Variants in DMD observed in about 807,000 individuals in gnomAD.
The protein encoded by DMD is dystrophin.
In DMD, 63 loss-of-function variants were observed where a neutral mutation model predicts 330.1. That is an observed-to-expected ratio of 0.19 (90% CI 0.16 to 0.24). DMD has a LOEUF of 0.24. DMD is among the 10% of genes least tolerant of loss of function. DMD has a pLI of 1.00. For synonymous variants in DMD, 1,223 were observed against 959.8 expected (o/e 1.27, Z -5.07); for missense variants, 3,344 against 2,684.1 (o/e 1.25, Z -5.43).
chrX:32,214,095 T>G (rs1460150317), intron 44 of DMD, among the ~76,000 whole-genome samples: 1 of 111,495 alleles, frequency 9.0e-6, no homozygotes, highest in African/African-American at 3.3e-5. Context: ...TTATGATATA[T>G]TCACAAAATT....
intron 16 of DMD, among the ~76,000 whole-genome samples, chrX:32,557,961 T>A (rs1160086711): frequency 9.1e-6 from 1 of 110,028 alleles, no homozygotes; most frequent in Non-Finnish European, 1.9e-5. Context: ...TTAATTTATA[T>A]TAATAATTAA....
At chrX:31,729,408 A>C (rs947091222) in intron 52 of DMD, among the ~76,000 whole-genome samples, 1 of 112,244 alleles carries the variant, frequency 8.9e-6, no homozygotes, top group Non-Finnish European at 1.9e-5. Context: ...TTGCAACTAT[A>C]TAAGCCCTGA....
intron 1 of DMD, among the ~76,000 whole-genome samples, chrX:33,304,599 C>T (rs1486190408): frequency 1.8e-5 from 2 of 109,150 alleles, no homozygotes; most frequent in African/African-American, 6.7e-5. Context: ...TTCTGCACAG[C>T]AAAAGAAACT....
chrX:31,658,943 C>A (rs1424281968), intron 53 of DMD, among the ~76,000 whole-genome samples: 2 of 111,592 alleles, frequency 1.8e-5, no homozygotes, highest in Non-Finnish European at 3.8e-5. Context: ...ATAGTTATAT[C>A]AAATTCAATA....
chrX:32,158,589 G>T, intron 44 of DMD, among the ~76,000 whole-genome samples: 1 of 111,147 alleles, frequency 9.0e-6, no homozygotes, highest in Admixed American at 9.6e-5. Flanking sequence ...AAATGATAGT[G>T]AATTTGTGTC....
chrX:32,085,639 C>CGT (rs2096430456), intron 44 of DMD, among the ~76,000 whole-genome samples: 1 of 84,142 alleles, frequency 1.2e-5, no homozygotes, highest in Admixed American at 1.4e-4. Flanking sequence ...CACATATATA[C>CGT]GTATATATAT....
chrX:31,813,191 A>G (rs910992350), intron 50 of DMD, among the ~76,000 whole-genome samples: 2 of 112,181 alleles, frequency 1.8e-5, no homozygotes, highest in African/African-American at 6.5e-5. Context: ...AGGCATGCTA[A>G]TAAGTATGCT....
chrX:31,431,676 C>T (rs1326731330), intron 60 of DMD, among the ~76,000 whole-genome samples: 6 of 111,588 alleles, frequency 5.4e-5, no homozygotes, highest in African/African-American at 9.8e-5. Context: ...GGATTACAGG[C>T]GTGAGCCACT....
At chrX:31,785,076 GAC>G (rs1255786091) in intron 50 of DMD, among the ~76,000 whole-genome samples, 1 of 111,709 alleles carries the variant, frequency 9.0e-6, no homozygotes, top group Non-Finnish European at 1.9e-5. Flanking sequence ...TGTGGTATAG[GAC>G]ACAACGGAAT....
At chrX:31,958,610 C>A (rs2095270320) in intron 45 of DMD, among the ~76,000 whole-genome samples, 1 of 111,696 alleles carries the variant, frequency 9.0e-6, no homozygotes, top group Non-Finnish European at 1.9e-5. Context: ...CTTCCTGACA[C>A]CTGAACTCCT....
chrX:32,830,175 C>A (rs948545416), intron 4 of DMD, among the ~76,000 whole-genome samples: 1 of 111,317 alleles, frequency 9.0e-6, no homozygotes, highest in Admixed American at 9.6e-5. Flanking sequence ...TTCTCATAAG[C>A]TTGTTGCTCT....
At chrX:32,696,536 C>G (rs1305139975) in intron 9 of DMD, among the ~76,000 whole-genome samples, 1 of 111,791 alleles carries the variant, frequency 8.9e-6, no homozygotes, top group Non-Finnish European at 1.9e-5. Context: ...TGAGCAGAGC[C>G]TAGCAAGATG....
At chrX:32,174,218 C>A (rs1386552176) in intron 44 of DMD, among the ~76,000 whole-genome samples, 1 of 112,248 alleles carries the variant, frequency 8.9e-6, no homozygotes, top group Non-Finnish European at 1.9e-5. Context: ...TAAGACTGGA[C>A]AACAGGCTTC....
rs185045084 is a variant in DMD at position 32,028,366 on chromosome X, G to A, written c.6439-59852C>T. On this transcript the variant is annotated intron_variant, in intron 44 of 78. Transcript: ENST00000357033. ...CTGGAAGAAAGAAGATGCCAGGATG[G>A]AGGGAAAATGTAGTTGGAATCACGG... 6.3e-5 allele frequency among the ~76,000 whole-genome samples: 7 copies of A among 111,396 alleles called. No individual in the cohort carries two copies. The East Asian group carries it at 2.0e-3, about 32-fold the overall frequency.
At chrX:32,005,559 C>T (rs2095655658) in intron 44 of DMD, among the ~76,000 whole-genome samples, 1 of 110,654 alleles carries the variant, frequency 9.0e-6, no homozygotes, top group Non-Finnish European at 1.9e-5. Flanking sequence ...GTAACTTACT[C>T]AATGAGATGT....
At chrX:32,730,727 T>G (rs1048747391) in intron 7 of DMD, among the ~76,000 whole-genome samples, 8 of 112,135 alleles carry the variant, frequency 7.1e-5, no homozygotes, top group African/African-American at 1.9e-4. Context: ...TGAAGTTACA[T>G]GATGAAATTA....
intron 2 of DMD, among the ~76,000 whole-genome samples, chrX:32,860,143 CAGAT>C (rs755161689): frequency 8.9e-6 from 1 of 111,736 alleles, no homozygotes; most frequent in Non-Finnish European, 1.9e-5. Context: ...AAAAGAAACA[CAGAT>C]AGGTAGGTTG....
chrX:33,150,703 G>C (rs1010271495), intron 1 of DMD, among the ~76,000 whole-genome samples: 3 of 108,742 alleles, frequency 2.8e-5, no homozygotes, highest in African/African-American at 1.0e-4. Flanking sequence ...TTGGCTTCTT[G>C]TCTCGTTCTG....
Position 31,396,176 on chromosome X carries a change from G to C in DMD, c.9085-47542C>G, listed in dbSNP as rs757203706. ...TTTTTGAGACGGAGTCTCGCTCTGT[G>C]GCCCAGGCTGGAGTGCAGTGGCGCG... is the stretch of plus-strand genomic sequence containing the variant. On this transcript the variant is annotated intron_variant, in intron 60 of 78. Transcript: ENST00000357033. Among the ~76,000 whole-genome samples the C allele has an allele frequency of 7.5e-3, 759 of 100,589 alleles. 10 individuals are homozygous for C. The highest frequency in any genetic ancestry group is 0.026 in the African/African-American group (713 of 27,512). 87.3% of individuals were successfully genotyped at this position (100,589 alleles called of 115,157 possible). A position where few individuals can be genotyped will look rare whatever the true frequency, so the allele number is the denominator to read the frequency against.
Sources: allele counts gnomAD v4.1 joint callset (sites outside exome capture counted in the v4.1 genomes callset), GRCh38; gene constraint gnomAD v4.1.1; transcripts MANE v1.5; gene names NCBI Gene and HGNC (gene_info 2026-07-23, HGNC 2026-07-21).